TBC1D22A: variants seen among roughly 807,000 people sequenced by gnomAD.
TBC1D22A encodes the protein putative GTPase activator.
TBC1D22A carries 38 observed loss-of-function variants against 60.2 expected under a neutral mutation model. That is an observed-to-expected ratio of 0.63 (90% confidence interval 0.49 to 0.83). The LOEUF (loss-of-function observed/expected upper bound fraction) is 0.83. Among genes scored for constraint, TBC1D22A ranks in the 40% least tolerant of loss-of-function variants. The pLI is 0.00. For missense variants in TBC1D22A, 628 were observed against 701.0 expected (o/e 0.90, Z 1.18); for synonymous variants, 302 against 281.7 (o/e 1.07, Z -0.72).
chr22:46,819,039 A>G (rs373763162), intron 4 of TBC1D22A, among the ~76,000 whole-genome samples: 12 of 152,026 alleles, frequency 7.9e-5, no homozygotes, highest in African/African-American at 1.4e-4. Context: ...CTGCTTGCCT[A>G]TTGTTGGTGT....
chr22:46,994,565 A>T (rs938949773), intron 9 of TBC1D22A, among the ~76,000 whole-genome samples: 6 of 152,230 alleles, frequency 3.9e-5, no homozygotes, highest in Non-Finnish European at 7.3e-5. Flanking sequence ...AGTGGAAGAG[A>T]TCGCAGTCCC....
At chr22:46,942,569 A>G (rs2072238675) in intron 8 of TBC1D22A, among the ~76,000 whole-genome samples, 1 of 152,226 alleles carries the variant, frequency 6.6e-6, no homozygotes, top group Non-Finnish European at 1.5e-5. Flanking sequence ...TTTCGGATCC[A>G]GAAAGTGCCT....
chr22:47,115,123 G>T (rs1450964070), intron 12 of TBC1D22A, among the ~76,000 whole-genome samples: 1 of 152,152 alleles, frequency 6.6e-6, no homozygotes, highest in Non-Finnish European at 1.5e-5. Context: ...CCCCTGGATG[G>T]CGGCACCTTC....
chr22:46,807,163 A>G (rs1196934893), intron 4 of TBC1D22A, among the ~76,000 whole-genome samples: 1 of 152,264 alleles, frequency 6.6e-6, no homozygotes, highest in Non-Finnish European at 1.5e-5. Flanking sequence ...GTGAGCAATT[A>G]GAATTCACCA....
Position 47,046,555 on chromosome 22 carries a change from G to A in TBC1D22A, c.1329+9357G>A, listed in dbSNP as rs545418551. On this transcript the variant is annotated intron_variant, in intron 11 of 12. Coordinates refer to ENST00000337137, the MANE Select transcript of TBC1D22A (RefSeq NM_014346.5). ...AGGTGTGGCCACGGGAGAGAAGCCA[G>A]GGACACAGTGCCACTCACATTTGAG... 1.4e-3 allele frequency among the ~76,000 whole-genome samples: 207 copies of A among 152,304 alleles called. 2 individuals are homozygous for A. The highest frequency in any genetic ancestry group is 4.7e-3 in the African/African-American group (197 of 41,550).
intron 1 of TBC1D22A, among the ~76,000 whole-genome samples, chr22:46,792,002 C>T (rs1601878609): frequency 6.6e-6 from 1 of 152,372 alleles, no homozygotes; most frequent in East Asian, 1.9e-4. Flanking sequence ...TTCAGGTGAT[C>T]CGCCCGCCTT....
chr22:46,871,903 T>C (rs1262796313), intron 4 of TBC1D22A, among the ~76,000 whole-genome samples: 2 of 152,204 alleles, frequency 1.3e-5, no homozygotes, highest in East Asian at 3.9e-4. Context: ...AAGAGACCCT[T>C]GAAAAACCTC....
At chr22:47,024,153 T>C (rs926653071) in intron 10 of TBC1D22A, among the ~76,000 whole-genome samples, 1 of 152,120 alleles carries the variant, frequency 6.6e-6, no homozygotes, top group African/African-American at 2.4e-5. Context: ...GGAGGGAAAC[T>C]GTGGTAAGGC....
intron 10 of TBC1D22A, among the ~76,000 whole-genome samples, chr22:47,019,221 G>C (rs1489108305): frequency 6.6e-6 from 1 of 152,212 alleles, no homozygotes; most frequent in East Asian, 1.9e-4. Flanking sequence ...ACTGTCCAGC[G>C]GTCCCAGCAC....
intron 11 of TBC1D22A, among the ~76,000 whole-genome samples, chr22:47,039,130 C>T (rs2062753784): frequency 2.0e-5 from 3 of 152,176 alleles, no homozygotes; most frequent in Non-Finnish European, 4.4e-5. Context: ...CATGGTTCTG[C>T]ACCACCTACT....
chr22:46,983,728 A>G (rs1405740651), intron 9 of TBC1D22A, among the ~76,000 whole-genome samples: 5 of 145,004 alleles, frequency 3.4e-5, no homozygotes, highest in African/African-American at 1.3e-4. Flanking sequence ...TTTTTTTTCT[A>G]CCAAGTGCAC....
intron 12 of TBC1D22A, among the ~76,000 whole-genome samples, chr22:47,159,689 C>T (rs2067892354): frequency 6.6e-6 from 1 of 151,604 alleles, no homozygotes; most frequent in South Asian, 2.1e-4. Context: ...ACACGCCATG[C>T]ACCACACACC....
chr22:47,128,444 C>T (rs1015060853), intron 12 of TBC1D22A, among the ~76,000 whole-genome samples: 11 of 144,920 alleles, frequency 7.6e-5, no homozygotes, highest in East Asian at 2.1e-4. Context: ...CCCTGGCTTC[C>T]GGTGCCCCCA....
At chr22:46,768,994 T>C (rs2083392653) in intron 1 of TBC1D22A, among the ~76,000 whole-genome samples, 1 of 146,298 alleles carries the variant, frequency 6.8e-6, no homozygotes, top group Non-Finnish European at 1.5e-5. Flanking sequence ...CTCAGGAGGC[T>C]GAAGCAGGAG....
At chr22:47,131,607 C>A (rs903977637) in intron 12 of TBC1D22A, among the ~76,000 whole-genome samples, 3 of 152,206 alleles carry the variant, frequency 2.0e-5, no homozygotes, top group African/African-American at 7.2e-5. Context: ...GGCCTCTGCC[C>A]ATGCGATGGG....
intron 1 of TBC1D22A, among the ~76,000 whole-genome samples, chr22:46,779,402 G>T (rs547138657): frequency 6.6e-6 from 1 of 151,848 alleles, no homozygotes; most frequent in African/African-American, 2.4e-5. Flanking sequence ...TTTTTTAAAG[G>T]TGCCCACCAC....
At chr22:47,085,059 C>T (rs987122838) in intron 11 of TBC1D22A, among the ~76,000 whole-genome samples, 5 of 152,190 alleles carry the variant, frequency 3.3e-5, no homozygotes, top group East Asian at 1.9e-4. Flanking sequence ...GCAGGCGGAT[C>T]GCCTGAAGGT....
intron 7 of TBC1D22A, among the ~76,000 whole-genome samples, chr22:46,897,578 A>G (rs1373008281): frequency 1.3e-5 from 2 of 149,854 alleles, no homozygotes; most frequent in Non-Finnish European, 2.9e-5. Context: ...TGAAGGCAGT[A>G]GCCTCTGGTC....
At chr22:46,970,332 C>T (rs933401723) in intron 8 of TBC1D22A, among the ~76,000 whole-genome samples, 5 of 152,140 alleles carry the variant, frequency 3.3e-5, no homozygotes, top group African/African-American at 1.2e-4. Context: ...GTGTATTGAT[C>T]ATTTTTTCCT....
Sources: allele counts gnomAD v4.1 joint callset (sites outside exome capture counted in the v4.1 genomes callset), GRCh38; gene constraint gnomAD v4.1.1; transcripts MANE v1.5; gene names NCBI Gene and HGNC (gene_info 2026-07-23, HGNC 2026-07-21).